RASSF6: variants seen among roughly 807,000 people sequenced by gnomAD.
RASSF6 encodes Ras association domain family member 6, also known as ras association domain-containing protein 6.
A neutral mutation model predicts 44.0 loss-of-function variants in RASSF6; 52 were observed. The ratio of observed to expected loss-of-function variants is 1.18; its 90% CI spans 0.95 to 1.49. RASSF6 has a LOEUF of 1.49. RASSF6 is among the 40% of genes most tolerant of loss of function. RASSF6 has a pLI of 0.00. For synonymous variants in RASSF6, 162 were observed against 124.6 expected, an observed-to-expected ratio of 1.30 and a Z score of -2.00; for missense variants, 464 against 393.3, an observed-to-expected ratio of 1.18 and a Z score of -1.52.
At chr4:73,590,720 A>T (rs1204577075) in intron 4 of RASSF6, among the ~76,000 whole-genome samples, 2 of 152,202 alleles carry the variant, frequency 1.3e-5, no homozygotes, top group Admixed American at 1.3e-4. Context: ...AACCAAATCT[A>T]ATCTTGCTCT....
chr4:73,606,140 A>G (rs1165414969), intron 2 of RASSF6, among the ~76,000 whole-genome samples: 2 of 152,252 alleles, frequency 1.3e-5, no homozygotes, highest in Non-Finnish European at 2.9e-5. Context: ...CACTATTCAC[A>G]ATAGCAAAGA....
Position 73,573,249 on chromosome 4 carries a change from C to A in RASSF6, c.*2986G>T, listed in dbSNP as rs190959101. The A allele has an allele frequency of 6.6e-6, 1 of 152,052 alleles. No homozygotes were observed. Among genetic ancestry groups the A allele is most frequent in the East Asian group, 1.9e-4 (1 of 5,184 alleles). 9.4% of individuals were successfully genotyped at this position (152,052 alleles called of 1,614,324 possible). ...TCAAGCGATTCTCCTGCCTCAGCCT[C>A]CCGAGTAGCTGGCATTATAGGTGCC... On this transcript the variant is annotated 3_prime_UTR_variant, in exon 11 of 11. Transcript: ENST00000307439.
intron 3 of RASSF6, among the ~76,000 whole-genome samples, chr4:73,596,298 T>C (rs567745984): frequency 5.1e-4 from 78 of 152,284 alleles, no homozygotes; most frequent in African/African-American, 1.8e-3. Flanking sequence ...AGTCTCAGGA[T>C]ACAAAATCGA....
chr4:73,603,697 A>G (rs1725432244), intron 2 of RASSF6, among the ~76,000 whole-genome samples: 1 of 152,226 alleles, frequency 6.6e-6, no homozygotes, highest in Admixed American at 6.5e-5. Context: ...GAGTTCCTCA[A>G]TCTTATCAGG....
In RASSF6 at chr4:73,574,100, A is replaced by G. The variant is rs2149358990; in HGVS notation, c.*2135T>C. On this transcript the variant is annotated 3_prime_UTR_variant, in exon 11 of 11. Transcript: ENST00000307439. Reference sequence around the variant, plus strand: ...GGCAGTGGTGGTATAACCTGGAGCCACAGTGCAAGCCGGTCCTGAAGCTCC... The same window carrying G: ...GGCAGTGGTGGTATAACCTGGAGCCGCAGTGCAAGCCGGTCCTGAAGCTCC... 6.6e-6 allele frequency: 1 copy of G among 152,540 alleles called. No homozygotes were observed. Among genetic ancestry groups the G allele is most frequent in the East Asian group, 1.9e-4 (1 of 5,182 alleles). 9.4% of individuals were successfully genotyped at this position (152,540 alleles called of 1,614,324 possible). A position where few individuals can be genotyped will look rare whatever the true frequency, so the allele number is the denominator to read the frequency against.
At chr4:73,585,816 A>G (rs532506599) in intron 5 of RASSF6, among the ~76,000 whole-genome samples, 2 of 151,566 alleles carry the variant, frequency 1.3e-5, no homozygotes, top group African/African-American at 4.8e-5. Context: ...CTGGATCCTT[A>G]TTTTTTTATT....
Position 73,587,889 on chromosome 4 carries a change from C to A in RASSF6, c.333G>T (p.Glu111Asp), listed in dbSNP as rs1459398918. ...ACATAGGAATCTGGGTCCTGTCCAGCTCACTAATACGATAGAGATCGTCAA... is the reference window on the plus strand; with the variant it reads ...ACATAGGAATCTGGGTCCTGTCCAGATCACTAATACGATAGAGATCGTCAA... Reference protein sequence around the residue: ...GEFDDLYRISELDRTQIPMSE... With the variant: ...GEFDDLYRISDLDRTQIPMSE... The change falls in exon 5 of 11, where the codon GAG becomes GAT. Residue 111 changes from glutamate (E) to aspartate (D), a missense_variant. Physicochemically the swap from Glu to Asp is conservative, Grantham distance 45 (BLOSUM62 2). Transcript: ENST00000307439. The A allele has an allele frequency of 5.6e-6, 9 of 1,610,254 alleles. No individual in the cohort carries two copies. Among genetic ancestry groups the A allele is most frequent in the African/African-American group, 1.3e-5 (1 of 74,774 alleles).
intron 4 of RASSF6, among the ~76,000 whole-genome samples, chr4:73,590,837 T>C (rs1255538199): frequency 2.0e-5 from 3 of 152,364 alleles, no homozygotes; most frequent in African/African-American, 7.2e-5. Flanking sequence ...TCAAGGTTTC[T>C]AGGTAATTTT....
intron 3 of RASSF6, among the ~76,000 whole-genome samples, chr4:73,593,945 T>C (rs192258767): frequency 1.0e-3 from 152 of 152,344 alleles, no homozygotes; most frequent in African/African-American, 3.2e-3. Context: ...TTAAAAATTA[T>C]GCTGAACTAG....
At chr4:73,595,652 T>A (rs1437817429) in intron 3 of RASSF6, among the ~76,000 whole-genome samples, 1 of 152,192 alleles carries the variant, frequency 6.6e-6, no homozygotes, top group African/African-American at 2.4e-5. Flanking sequence ...AATTAAAGTA[T>A]AAATAATCAT....
intron 2 of RASSF6, among the ~76,000 whole-genome samples, chr4:73,607,572 A>G (rs1725726144): frequency 6.6e-6 from 1 of 152,194 alleles, no homozygotes; most frequent in South Asian, 2.1e-4. Context: ...AATACATGTC[A>G]GTTTGTTTCA....
intron 2 of RASSF6, among the ~76,000 whole-genome samples, chr4:73,610,853 G>A (rs920834788): frequency 6.6e-6 from 1 of 152,106 alleles, no homozygotes; most frequent in Non-Finnish European, 1.5e-5. Flanking sequence ...GTTCATTACT[G>A]AATGCTCAGG....
Position 73,585,375 on chromosome 4 carries a change from T to A in RASSF6, c.383-11A>T. On this transcript the variant is annotated splice_polypyrimidine_tract_variant and intron_variant, in intron 5 of 10. Transcript: ENST00000307439. ...GATAAGATAAATAGTCTGGGAAGAA[T>A]AGATTATAAGCTCATATCATTCAGC... 6.4e-7 allele frequency: 1 copy of A among 1,559,836 alleles called. No homozygotes were observed. The highest frequency in any genetic ancestry group is 8.7e-7 in the Non-Finnish European group (1 of 1,154,264).
intron 6 of RASSF6, among the ~76,000 whole-genome samples, chr4:73,584,205 C>T (rs72863014): frequency 0.03 from 4,613 of 152,094 alleles, 93 homozygotes; most frequent in South Asian, 0.06. Context: ...GACACACTAT[C>T]GTTACCCCCC....
chr4:73,592,144 T>C (rs1157129811), intron 4 of RASSF6, among the ~76,000 whole-genome samples: 1 of 152,212 alleles, frequency 6.6e-6, no homozygotes, highest in Non-Finnish European at 1.5e-5. Context: ...AGAAATTGCA[T>C]GAAATGTGTA....
rs183905840 is a variant in RASSF6, at chr4:73,573,531, C to T, written c.*2704G>A. ...TATAAAACATATCTTTGCAGAATGT[C>T]TTTGTATCTCTGGTTATTTTCATAT... On this transcript the variant is annotated 3_prime_UTR_variant, in exon 11 of 11. Coordinates refer to ENST00000307439, the MANE Select transcript of RASSF6 (RefSeq NM_177532.5). 6.6e-6 allele frequency: 1 copy of T among 152,230 alleles called. No homozygotes were observed. Among genetic ancestry groups the T allele is most frequent in the Admixed American group, 6.5e-5 (1 of 15,298 alleles). 9.4% of individuals were successfully genotyped at this position (152,230 alleles called of 1,614,324 possible). A position where few individuals can be genotyped will look rare whatever the true frequency, so the allele number is the denominator to read the frequency against.
intron 3 of RASSF6, among the ~76,000 whole-genome samples, chr4:73,594,011 C>G (rs1724757871): frequency 1.3e-5 from 2 of 151,990 alleles, no homozygotes; most frequent in Admixed American, 1.3e-4. Context: ...CATTGCTGAA[C>G]AGAAAAAAAT....
At chr4:73,582,375 CA>C (rs889083838) in intron 6 of RASSF6, 85 bp from the exon 7 acceptor site, 89 of 556,760 alleles carry the variant, frequency 1.6e-4, no homozygotes, top group African/African-American at 6.1e-4. Flanking sequence ...TCTTATAGGG[CA>C]AAAAAAATCC....
intron 2 of RASSF6, among the ~76,000 whole-genome samples, chr4:73,607,842 C>T (rs1578060116): frequency 1.3e-5 from 2 of 148,908 alleles, no homozygotes; most frequent in Admixed American, 1.3e-4. Context: ...CCTCTCCCCT[C>T]CCTACCCCTC....
Sources: gnomAD v4.1 joint callset for allele counts (sites outside exome capture counted in the v4.1 genomes callset) on GRCh38, gnomAD v4.1.1 for gene constraint, MANE v1.5 for transcripts, NCBI Gene and HGNC (gene_info 2026-07-23, HGNC 2026-07-21) for gene names.